The following EPHX1 variants were observed in gnomAD, a reference collection of about 807,000 sequenced individuals.
EPHX1 encodes the protein epoxide hydratase.
EPHX1 carries 40 observed loss-of-function variants against 43.2 expected under a neutral mutation model. That is an observed-to-expected ratio of 0.93 (90% CI 0.72 to 1.21). The LOEUF is 1.21. Among genes scored for constraint, EPHX1 ranks in the 50% most tolerant of loss-of-function variants. The probability of loss-of-function intolerance (pLI) is 0.00; values close to 1 mark genes in which losing one functional copy is unlikely to be tolerated. For missense variants in EPHX1, 550 were observed against 570.4 expected (o/e 0.96, Z 0.36); for synonymous variants, 221 against 226.7 (o/e 0.98, Z 0.22).
chr1:225,834,941 C>T (rs1299459139), intron 3 of EPHX1, among the ~76,000 whole-genome samples: 2 of 152,184 alleles, frequency 1.3e-5, no homozygotes, highest in Non-Finnish European at 2.9e-5. Flanking sequence ...CTCATAGGCT[C>T]TTCAGGGGCA....
At position 225,845,203 on chromosome 1, in the gene EPHX1, G is replaced by A. The variant is rs772181713; in HGVS notation, c.1224G>A (p.Thr408=). The change falls in exon 9 of 9, where the codon ACG becomes ACA. Residue 408 remains threonine, a synonymous_variant. Transcript: ENST00000272167. Reference sequence around the variant, plus strand: ...CCTTCCCTTTTGAGCTATTGCACACGCCTGAAAAGTGGGTGAGGTTCAAGT... The same window carrying A: ...CCTTCCCTTTTGAGCTATTGCACACACCTGAAAAGTGGGTGAGGTTCAAGT... ...FSAFPFELLH[T]PEKWVRFKYP... is the part of the protein sequence containing the mutation. The A allele has an allele frequency of 5.7e-5, 92 of 1,614,112 alleles. 4 individuals are homozygous for A. In the South Asian group the frequency reaches 8.2e-4, roughly 14 times the overall value.
intron 1 of EPHX1, among the ~76,000 whole-genome samples, chr1:225,819,486 G>A (rs879428155): frequency 3.9e-5 from 6 of 152,132 alleles, no homozygotes; most frequent in African/African-American, 1.2e-4. Context: ...TGAGTGGACC[G>A]GGCAGGGTAG....
intron 3 of EPHX1, among the ~76,000 whole-genome samples, chr1:225,835,804 T>A (rs1025741330): frequency 1.3e-5 from 2 of 151,914 alleles, no homozygotes; most frequent in Admixed American, 6.6e-5. Context: ...CACCTTGGCT[T>A]CCCAAAGTAT....
chr1:225,839,688 C>CCTTCTCCAA, intron 5 of EPHX1, 141 bp from the exon 6 acceptor site: 1 of 989,208 alleles, frequency 1.0e-6, no homozygotes. Flanking sequence ...ACTCCCATGG[C>CCTTCTCCAA]CTCCCCAGTG....
rs142674326 is a variant in EPHX1, at chr1:225,845,221, G to C, written c.1242G>C (p.Arg414Ser). 19 of 1,614,036 alleles carry C rather than the reference G, an allele frequency of 1.2e-5. No homozygotes were observed. Among genetic ancestry groups the C allele is most frequent in the Non-Finnish European group, 1.4e-5 (17 of 1,180,038 alleles). Residue 414 changes from arginine to serine, a missense_variant, in exon 9 of 9, where the codon AGG (arginine) becomes AGC (serine). Arg to Ser is a moderately radical substitution (Grantham distance 110, BLOSUM62 -1). Coordinates refer to ENST00000272167, the MANE Select transcript of EPHX1 (RefSeq NM_001136018.4). ...TGCACACGCCTGAAAAGTGGGTGAG[G>C]TTCAAGTACCCAAAGCTCATCTCCT... ...ELLHTPEKWV[R>S]FKYPKLISYS...
intron 2 of EPHX1, among the ~76,000 whole-genome samples, chr1:225,830,506 C>G (rs900869154): frequency 1.3e-5 from 2 of 152,174 alleles, no homozygotes; most frequent in African/African-American, 4.8e-5. Flanking sequence ...TGCTCTGTCA[C>G]CAGGCTGGGG....
chr1:225,845,116 T>C (rs972131099), intron 8 of EPHX1, 30 bp from the exon 9 acceptor site: 8 of 1,611,726 alleles, frequency 5.0e-6, no homozygotes, highest in Admixed American at 1.7e-5. Flanking sequence ...GGCCACAGCC[T>C]CACCCCTCCG....
At chr1:225,826,565 A>G (rs1357878827) in intron 1 of EPHX1, among the ~76,000 whole-genome samples, 1 of 151,686 alleles carries the variant, frequency 6.6e-6, no homozygotes, top group Non-Finnish European at 1.5e-5. Flanking sequence ...CCCCTGGCAC[A>G]TGGTAGACTG....
In EPHX1 at chr1:225,838,815, C is replaced by T; in HGVS notation, c.526C>T (p.His176Tyr). Residue 176 changes from histidine (H) to tyrosine (Y), a missense_variant, in exon 4 of 9, where the codon CAC becomes TAC. Physicochemically the swap from His to Tyr is moderately conservative, Grantham distance 83 (BLOSUM62 2). Transcript: ENST00000272167. ...DPKNHGLSDE[H>Y]VFEVICPSIP... ...CAAGAACCATGGCCTGAGCGATGAG[C>T]ACGTTTTTGAAGTCATCTGCCCTTC... is the stretch of plus-strand genomic sequence containing the variant. 6.2e-7 allele frequency: 1 copy of T among 1,614,200 alleles called. No individual in the cohort carries two copies.
At position 225,839,988 on chromosome 1, in the gene EPHX1, G is replaced by C. The variant is rs765917559; in HGVS notation, c.882G>C (p.Met294Ile). The C allele has an allele frequency of 6.2e-7, 1 of 1,614,104 alleles. No individual in the cohort carries two copies. The highest frequency in any genetic ancestry group is 8.5e-7 in the Non-Finnish European group (1 of 1,180,034). Residue 294 changes from methionine (M) to isoleucine (I), a missense_variant, in exon 6 of 9, where the codon ATG becomes ATC. By Grantham distance (10) the Met-to-Ile change is conservative. Transcript: ENST00000272167. ...AGGAGAAGGTATTCTACAGCCTGAT[G>C]AGGGAGAGCGGCTACATGCACATCC... is the stretch of plus-strand genomic sequence containing the variant. ...PVKEKVFYSL[M>I]RESGYMHIQC...
chr1:225,845,177 G>A lies in EPHX1; in HGVS notation c.1198G>A (p.Ala400Thr). The A allele has an allele frequency of 6.2e-7, 1 of 1,614,158 alleles. No individual in the cohort carries two copies. Among genetic ancestry groups the A allele is most frequent in the South Asian group, 1.1e-5 (1 of 91,090 alleles). ...GGTCTATGTGCCCACTGGCTTCTCT[G>A]CCTTCCCTTTTGAGCTATTGCACAC... ...MKVYVPTGFS[A>T]FPFELLHTPE... The change falls in exon 9 of 9, where the codon GCC (alanine) becomes ACC (threonine). Residue 400 changes from alanine to threonine, a missense_variant. Physicochemically the swap from Ala to Thr is moderately conservative, Grantham distance 58. Coordinates refer to ENST00000272167, the MANE Select transcript of EPHX1 (RefSeq NM_001136018.4).
chr1:225,838,043 A>G (rs1012396139), intron 3 of EPHX1, among the ~76,000 whole-genome samples: 5 of 152,240 alleles, frequency 3.3e-5, no homozygotes, highest in African/African-American at 9.6e-5. Flanking sequence ...AAATTCACCA[A>G]TACATAGTAT....
intron 1 of EPHX1, among the ~76,000 whole-genome samples, chr1:225,815,686 C>T (rs761370890): frequency 3.9e-5 from 6 of 152,174 alleles, no homozygotes; most frequent in Admixed American, 6.5e-5. Context: ...ACCTTCACCA[C>T]GACCAAACAA....
chr1:225,820,171 C>G (rs143730920), intron 1 of EPHX1, among the ~76,000 whole-genome samples: 1 of 152,090 alleles, frequency 6.6e-6, no homozygotes, highest in Non-Finnish European at 1.5e-5. Flanking sequence ...GATCTTGGCT[C>G]ACTGCAACCT....
chr1:225,814,365 C>G (rs1666622851), intron 1 of EPHX1, among the ~76,000 whole-genome samples: 1 of 152,224 alleles, frequency 6.6e-6, no homozygotes, highest in Non-Finnish European at 1.5e-5. Flanking sequence ...GAGACCCTGT[C>G]TCAAATAATT....
rs1427283988 is a variant in EPHX1 at position 225,844,482 on chromosome 1, T to G, written c.1041-16T>G. 2 of 1,614,082 alleles carry G rather than the reference T, an allele frequency of 1.2e-6. No homozygotes were observed. Among genetic ancestry groups the G allele is most frequent in the Non-Finnish European group, 8.5e-7 (1 of 1,179,994 alleles). ...ATGTGGCACTGAGAGTGGGGCTTTG[T>G]GTTCTGCGTTCCCAGGAAGTTCTCC... On this transcript the variant is annotated splice_polypyrimidine_tract_variant and intron_variant, in intron 7 of 8. Coordinates refer to ENST00000272167, the MANE Select transcript of EPHX1 (RefSeq NM_001136018.4).
Position 225,813,523 on chromosome 1 carries a change from C to G in EPHX1, c.-6+3354C>G, listed in dbSNP as rs138167476. Among the ~76,000 whole-genome samples, 22 of 152,346 alleles carry G rather than the reference C, an allele frequency of 1.4e-4. No homozygotes were observed. In the East Asian group the frequency reaches 2.7e-3, roughly 19 times the overall value. On this transcript the variant is annotated intron_variant, in intron 1 of 8. Coordinates refer to ENST00000272167, the MANE Select transcript of EPHX1 (RefSeq NM_001136018.4). ...CGCTCCAGGAAGAGCTTCCTCTCAA[C>G]AAGGAGAAAACTGCGCAATCCAATC...
intron 3 of EPHX1, among the ~76,000 whole-genome samples, chr1:225,832,521 CAA>C (rs914854024): frequency 6.6e-6 from 1 of 152,230 alleles, no homozygotes; most frequent in African/African-American, 2.4e-5. Flanking sequence ...GGCTCCATCT[CAA>C]AGAAAGAAAA....
At chr1:225,812,345 C>A (rs1331469704) in intron 1 of EPHX1, among the ~76,000 whole-genome samples, 6 of 152,216 alleles carry the variant, frequency 3.9e-5, no homozygotes, top group Non-Finnish European at 2.9e-5. Flanking sequence ...TGCGTGATGC[C>A]TCCTGCCTCT....
Sources: allele counts gnomAD v4.1 joint callset (sites outside exome capture counted in the v4.1 genomes callset), GRCh38; gene constraint gnomAD v4.1.1; transcripts MANE v1.5; gene names NCBI Gene and HGNC (gene_info 2026-07-23, HGNC 2026-07-21).